The following KIF24 variants were observed in gnomAD, a reference collection of about 807,000 sequenced individuals.
The protein encoded by KIF24 is kinesin-like protein KIF24.
A neutral mutation model predicts 118.9 loss-of-function variants in KIF24; 81 were observed. That is an observed-to-expected ratio of 0.68 (90% CI 0.57 to 0.82). KIF24 has a LOEUF of 0.82. Among genes scored for constraint, KIF24 ranks in the 40% least tolerant of loss-of-function variants. The probability of loss-of-function intolerance (pLI) is 0.00; values close to 1 mark genes in which losing one functional copy is unlikely to be tolerated. For missense variants in KIF24, 1,560 were observed against 1,661.6 expected (o/e 0.94, Z 1.06); for synonymous variants, 599 against 610.0 (o/e 0.98, Z 0.27).
intron 8 of KIF24, among the ~76,000 whole-genome samples, chr9:34,265,167 G>A (rs980714040): frequency 7.3e-5 from 11 of 151,510 alleles, no homozygotes; most frequent in Non-Finnish European, 1.3e-4. Flanking sequence ...AATTTTTTTT[G>A]CTTTTTGCTG....
chr9:34,273,312 T>A (rs990524411), intron 6 of KIF24, among the ~76,000 whole-genome samples: 5 of 149,402 alleles, frequency 3.3e-5, no homozygotes, highest in African/African-American at 1.2e-4. Flanking sequence ...TGGTGTGATA[T>A]ATTTCAATGA....
intron 1 of KIF24, among the ~76,000 whole-genome samples, chr9:34,325,801 T>C (rs2131839726): frequency 6.6e-6 from 1 of 152,356 alleles, no homozygotes; most frequent in South Asian, 2.1e-4. Context: ...GCATTTGATA[T>C]CGTTTGTGGT....
rs1373982317 is a variant in KIF24 at position 34,256,593 on chromosome 9, G to A, written c.3014C>T (p.Thr1005Ile). Reference sequence around the variant, plus strand: ...TGCACTGACTTCTCTCAGAGGTGTGGTGACTGTGTCTCTTTGGTCTGGGGA... The same window carrying A: ...TGCACTGACTTCTCTCAGAGGTGTGATGACTGTGTCTCTTTGGTCTGGGGA... ...PGSPDQRDTV[T>I]TPLREVSADG... Residue 1005 changes from threonine to isoleucine, a missense_variant, in exon 11 of 13, where the codon ACC (threonine) becomes ATC (isoleucine). Physicochemically the swap from Thr to Ile is moderately conservative, Grantham distance 89. Coordinates refer to ENST00000402558, the MANE Select transcript of KIF24 (RefSeq NM_194313.4). 16 of 1,613,878 alleles carry A rather than the reference G, an allele frequency of 9.9e-6. No homozygotes were observed. The highest frequency in any genetic ancestry group is 1.4e-5 in the Non-Finnish European group (16 of 1,179,908).
At chr9:34,296,563 A>C (rs1836489191) in intron 4 of KIF24, among the ~76,000 whole-genome samples, 1 of 152,126 alleles carries the variant, frequency 6.6e-6, no homozygotes, top group Non-Finnish European at 1.5e-5. Flanking sequence ...CATCTATGAA[A>C]AATTGATAAG....
chr9:34,316,310 C>T (rs1302421169), intron 1 of KIF24, among the ~76,000 whole-genome samples: 1 of 151,582 alleles, frequency 6.6e-6, no homozygotes, highest in Non-Finnish European at 1.5e-5. Flanking sequence ...CACTGCACTC[C>T]AGTCTGGCAA....
At chr9:34,283,771 G>A (rs867504256) in intron 6 of KIF24, among the ~76,000 whole-genome samples, 1 of 152,090 alleles carries the variant, frequency 6.6e-6, no homozygotes, top group African/African-American at 2.4e-5. Context: ...CAAATTACAA[G>A]TTAAAAATAT....
intron 10 of KIF24, among the ~76,000 whole-genome samples, 191 bp from the exon 11 acceptor site, chr9:34,258,172 A>T (rs576631169): frequency 6.6e-6 from 1 of 152,334 alleles, no homozygotes; most frequent in South Asian, 2.1e-4. Flanking sequence ...TACCTGAATG[A>T]AAAAGAGCAG....
chr9:34,269,537 A>G (rs1587923127), intron 7 of KIF24, among the ~76,000 whole-genome samples, 175 bp from the exon 8 acceptor site: 1 of 151,964 alleles, frequency 6.6e-6, no homozygotes, highest in African/African-American at 2.4e-5. Context: ...CTCCTGCCTC[A>G]GCCTCCCGAG....
chr9:34,299,369 C>T (rs920200908), intron 3 of KIF24, among the ~76,000 whole-genome samples: 11 of 151,484 alleles, frequency 7.3e-5, no homozygotes, highest in South Asian at 2.1e-4. Context: ...TTAGTAAAGA[C>T]GGGGGTCTCA....
At chr9:34,322,127 T>C (rs961144094) in intron 1 of KIF24, among the ~76,000 whole-genome samples, 3 of 152,196 alleles carry the variant, frequency 2.0e-5, no homozygotes, top group Non-Finnish European at 2.9e-5. Context: ...CTGCTTTTCC[T>C]GAAAATTAAA....
At chr9:34,307,445 C>T (rs1836968421) in intron 2 of KIF24, among the ~76,000 whole-genome samples, 2 of 151,288 alleles carry the variant, frequency 1.3e-5, no homozygotes, top group African/African-American at 2.4e-5. Context: ...ATAATGAATG[C>T]ATAAAGCACT....
At chr9:34,311,791 C>T (rs960737346) in intron 1 of KIF24, among the ~76,000 whole-genome samples, 2 of 137,472 alleles carry the variant, frequency 1.5e-5, no homozygotes, top group East Asian at 2.3e-4. Context: ...TATATATACA[C>T]ACACATATAT....
intron 3 of KIF24, among the ~76,000 whole-genome samples, chr9:34,301,440 G>A (rs558707514): frequency 2.0e-5 from 3 of 152,176 alleles, no homozygotes; most frequent in South Asian, 2.1e-4. Context: ...AGTAGAGATG[G>A]GGTTTCGCTA....
rs1835420778 is a variant in KIF24, at chr9:34,269,501, C to T, written c.1338-139G>A. On this transcript the variant is annotated intron_variant, in intron 7 of 12. Coordinates refer to ENST00000402558, the MANE Select transcript of KIF24 (RefSeq NM_194313.4). ...GTGGCGCGATTTTGGCTCACTGCAA[C>T]CTCTGCCTCCCGGGTTCACGCCATT... is the stretch of plus-strand genomic sequence containing the variant. 5 of 396,198 alleles carry T rather than the reference C, an allele frequency of 1.3e-5. No individual in the cohort carries two copies. In the Admixed American group the frequency reaches 2.2e-4, roughly 17 times the overall value. The allele number at this position is 396,198 out of a possible 1,614,324, so 24.5% of individuals were successfully genotyped here. A position where few individuals can be genotyped will look rare whatever the true frequency, so the allele number is the denominator to read the frequency against.
intron 9 of KIF24, among the ~76,000 whole-genome samples, chr9:34,262,707 T>C (rs1220962540): frequency 6.2e-5 from 3 of 48,146 alleles, no homozygotes; most frequent in Non-Finnish European, 1.1e-4. Context: ...TATATATATA[T>C]ATATATGGCC....
At chr9:34,320,295 T>G in intron 1 of KIF24, among the ~76,000 whole-genome samples, 1 of 148,560 alleles carries the variant, frequency 6.7e-6, no homozygotes, top group Admixed American at 6.7e-5. Context: ...ACCAAGAACT[T>G]ATTTATACAG....
intron 1 of KIF24, chr9:34,319,336 G>A: frequency 1.1e-6 from 1 of 889,582 alleles, no homozygotes; most frequent in East Asian, 2.4e-5. Flanking sequence ...GGTGGTGGAA[G>A]TTCCCATGAC....
At chr9:34,269,231 T>C in intron 8 of KIF24, 26 bp downstream of exon 8, 1 of 1,383,336 alleles carries the variant, frequency 7.2e-7, no homozygotes, top group Admixed American at 1.8e-5. Context: ...GAAGGATTTT[T>C]AGATTAAAGA....
intron 10 of KIF24, 71 bp from the exon 11 acceptor site, chr9:34,258,052 G>T: frequency 8.2e-7 from 1 of 1,217,792 alleles, no homozygotes; most frequent in Non-Finnish European, 1.2e-6. Context: ...TAGCTTTCTG[G>T]GAAAACAAAA....
Sources: gnomAD v4.1 joint callset for allele counts (sites outside exome capture counted in the v4.1 genomes callset) on GRCh38, gnomAD v4.1.1 for gene constraint, MANE v1.5 for transcripts, NCBI Gene and HGNC (gene_info 2026-07-23, HGNC 2026-07-21) for gene names.